Variants in ADORA2B observed in about 807,000 individuals in gnomAD.
ADORA2B encodes adenosine receptor A2b.
A neutral mutation model predicts 20.8 loss-of-function variants in ADORA2B; 18 were observed. The observed-to-expected ratio is 0.87, with a 90% CI of 0.60 to 1.29. ADORA2B has a LOEUF of 1.29. Ranked by LOEUF, ADORA2B falls within the 50% of genes most tolerant of loss-of-function variation. The pLI, the probability that ADORA2B is intolerant of heterozygous loss-of-function variation, is 0.00. For synonymous variants in ADORA2B, 179 were observed against 178.3 expected, an observed-to-expected ratio of 1.00 and a Z score of -0.03; for missense variants, 441 against 422.7, an observed-to-expected ratio of 1.04 and a Z score of -0.38.
At chr17:15,893,759 T>C in the ADORA2B span, among the ~76,000 whole-genome samples, 1 of 152,254 alleles carries the variant, frequency 6.6e-6, no homozygotes, top group Admixed American at 6.5e-5. Flanking sequence ...AAGAAATCTG[T>C]GTGACTGTTT....
At chr17:15,931,350 T>C in the ADORA2B span, among the ~76,000 whole-genome samples, 1 of 152,194 alleles carries the variant, frequency 6.6e-6, no homozygotes, top group Non-Finnish European at 1.5e-5. Flanking sequence ...AAACCTTCAG[T>C]CCTCCCCAGC....
the ADORA2B span, among the ~76,000 whole-genome samples, chr17:15,891,952 A>G: frequency 1.3e-5 from 2 of 149,640 alleles, no homozygotes; most frequent in African/African-American, 2.5e-5. Context: ...GGTTCAAGCA[A>G]TTCTTCTGCC....
chr17:15,874,732 G>T, the ADORA2B span, among the ~76,000 whole-genome samples: 1 of 151,842 alleles, frequency 6.6e-6, no homozygotes, highest in African/African-American at 2.4e-5. Flanking sequence ...ATCACTTATC[G>T]TGCCTTTTTA....
the ADORA2B span, among the ~76,000 whole-genome samples, chr17:15,918,061 C>T: frequency 3.9e-5 from 6 of 152,220 alleles, no homozygotes; most frequent in Non-Finnish European, 7.3e-5. Context: ...TCTCGTGGTC[C>T]TGGGAGTCTG....
chr17:15,878,163 T>G, the ADORA2B span, among the ~76,000 whole-genome samples: 1 of 119,616 alleles, frequency 8.4e-6, no homozygotes, highest in South Asian at 3.3e-4. Flanking sequence ...CAGATATCCT[T>G]TGTGTGTGTG....
the ADORA2B span, among the ~76,000 whole-genome samples, chr17:15,876,442 CTTTTTTCTT>C: frequency 2.6e-5 from 3 of 115,480 alleles, no homozygotes; most frequent in African/African-American, 8.0e-5. Flanking sequence ...TCTTTCTTTT[CTTTTTTCTT>C]TTTTTTTTTT....
upstream of ADORA2B, among the ~76,000 whole-genome samples, chr17:15,944,522 C>A (rs1969772268): frequency 6.6e-6 from 1 of 152,110 alleles, no homozygotes; most frequent in Non-Finnish European, 1.5e-5. This position sits in a 1 kb window ranked among gnomAD's most constrained non-coding sequence, Gnocchi z 4.8. Flanking sequence ...GGCAGTGGCG[C>A]GGGCGAGGGT....
the ADORA2B span, among the ~76,000 whole-genome samples, chr17:15,922,588 CTG>C: frequency 6.6e-6 from 1 of 152,194 alleles, no homozygotes; most frequent in Non-Finnish European, 1.5e-5. Context: ...CCCAAGCAAA[CTG>C]GGATGTAGGG....
rs563496290 is a variant in ADORA2B at position 15,961,902 on chromosome 17, C to T, written c.336-12777C>T. On this transcript the variant is annotated intron_variant, in intron 1 of 1. Coordinates refer to ENST00000304222, the MANE Select transcript of ADORA2B (RefSeq NM_000676.4). ...GGCCAGAGCCCTCATGACCTGATCG[C>T]CTCTTAAAGGTCACACCTCTCAGCA... Among the ~76,000 whole-genome samples, 29 of 152,348 alleles carry T rather than the reference C, an allele frequency of 1.9e-4. 1 individual carries two copies. The highest frequency in any genetic ancestry group is 1.6e-3 in the Admixed American group (25 of 15,310).
chr17:15,912,658 G>A, the ADORA2B span, among the ~76,000 whole-genome samples: 11 of 152,228 alleles, frequency 7.2e-5, no homozygotes, highest in Admixed American at 7.2e-4. Context: ...ATCACCTGCA[G>A]CTGTCTTCAG....
chr17:15,861,560 A>G, the ADORA2B span, among the ~76,000 whole-genome samples: 3 of 152,344 alleles, frequency 2.0e-5, no homozygotes, highest in East Asian at 1.9e-4. Context: ...GATTGGACCC[A>G]TATTTTAAGG....
At chr17:15,965,837 T>C (rs1229311928) in intron 1 of ADORA2B, among the ~76,000 whole-genome samples, 1 of 152,248 alleles carries the variant, frequency 6.6e-6, no homozygotes, top group Non-Finnish European at 1.5e-5. Context: ...GCCCCCTGGC[T>C]CAGAACTCCT....
chr17:15,965,642 A>T (rs1970106879), intron 1 of ADORA2B, among the ~76,000 whole-genome samples: 1 of 152,192 alleles, frequency 6.6e-6, no homozygotes, highest in Non-Finnish European at 1.5e-5. Flanking sequence ...GTGGGAGGAG[A>T]ATGACAGTGT....
rs146701592 is a variant in ADORA2B at position 15,945,518 on chromosome 17, G to C, written c.270G>C (p.Gln90His). 40 of 1,607,666 alleles carry C rather than the reference G, an allele frequency of 2.5e-5. No homozygotes were observed. The highest frequency in any genetic ancestry group is 1.7e-6 in the Non-Finnish European group (2 of 1,178,034). The change falls in exon 1 of 2, where the codon CAG (glutamine) becomes CAC (histidine). Residue 90 changes from glutamine (Q) to histidine (H), a missense_variant. Physicochemically the swap from Gln to His is conservative, Grantham distance 24. Coordinates refer to ENST00000304222, the MANE Select transcript of ADORA2B (RefSeq NM_000676.4). The stretch of plus-strand genomic sequence containing the variant: ...CCTGCTTCGTGCTGGTGCTCACGCA[G>C]AGCTCCATCTTCAGCCTTCTGGCCG... ...FLACFVLVLTQSSIFSLLAVA... is the reference protein window; with the variant it reads ...FLACFVLVLTHSSIFSLLAVA...
At chr17:15,964,230 A>T (rs529576735) in intron 1 of ADORA2B, among the ~76,000 whole-genome samples, 5 of 152,328 alleles carry the variant, frequency 3.3e-5, no homozygotes, top group African/African-American at 1.2e-4. Context: ...TTGTGTAAGA[A>T]TGGTTTTATT....
chr17:15,913,972 A>G, the ADORA2B span, among the ~76,000 whole-genome samples: 2 of 152,188 alleles, frequency 1.3e-5, no homozygotes, highest in Non-Finnish European at 1.5e-5. Context: ...TGGAGAAGGA[A>G]CCTTGACCAC....
chr17:15,867,025 G>C, the ADORA2B span, among the ~76,000 whole-genome samples: 2 of 152,260 alleles, frequency 1.3e-5, no homozygotes, highest in Non-Finnish European at 2.9e-5. Context: ...AACTGCGAGT[G>C]ATCCGCCAGC....
chr17:15,898,758 T>A, the ADORA2B span, among the ~76,000 whole-genome samples: 1 of 152,180 alleles, frequency 6.6e-6, no homozygotes, highest in African/African-American at 2.4e-5. Context: ...TTCTTAATTG[T>A]CAGAGTCAAG....
chr17:15,945,130 A>T lies in ADORA2B; in HGVS notation c.-119A>T. 1.1e-6 allele frequency: 1 copy of T among 902,884 alleles called. No individual in the cohort carries two copies. The highest frequency in any genetic ancestry group is 1.5e-6 in the Non-Finnish European group (1 of 677,468). The allele number at this position is 902,884 out of a possible 1,614,324, so 55.9% of individuals were successfully genotyped here. A position where few individuals can be genotyped will look rare whatever the true frequency, so the allele number is the denominator to read the frequency against. The stretch of plus-strand genomic sequence containing the variant: ...CACCAGCGCCCCAGCCCCGAGGCTC[A>T]GAAGCGGCAGGCGGAGGCGCGGTCC... On this transcript the variant is annotated 5_prime_UTR_variant, in exon 1 of 2. Coordinates refer to ENST00000304222, the MANE Select transcript of ADORA2B (RefSeq NM_000676.4).
Sources: gnomAD v4.1 joint callset for allele counts (sites outside exome capture counted in the v4.1 genomes callset) on GRCh38, gnomAD v4.1.1 for gene constraint, Gnocchi (gnomAD v3.1) non-coding constraint, MANE v1.5 for transcripts, NCBI Gene and HGNC (gene_info 2026-07-23, HGNC 2026-07-21) for gene names.